Variants in CUX1 observed in about 807,000 individuals in gnomAD.
CUX1 encodes the protein cut like homeobox 1, also known as protein CASP.
A neutral mutation model predicts 158.8 loss-of-function variants in CUX1; 31 were observed. The ratio of observed to expected loss-of-function variants is 0.20; its 90% CI spans 0.15 to 0.26. The LOEUF is 0.26. CUX1 is among the 10% of genes least tolerant of loss of function. CUX1 has a pLI of 1.00. For missense variants in CUX1, 1,589 were observed against 2,014.6 expected (o/e 0.79, Z 4.04); for synonymous variants, 879 against 862.1 (o/e 1.02, Z -0.34).
intron 2 of CUX1, among the ~76,000 whole-genome samples, chr7:101,938,508 T>C (rs1807223646): frequency 6.6e-6 from 1 of 152,194 alleles, no homozygotes; most frequent in Non-Finnish European, 1.5e-5. Flanking sequence ...GGAAGAGATT[T>C]TTTTAAAAAG....
chr7:102,058,699 C>T (rs543202510), intron 3 of CUX1, among the ~76,000 whole-genome samples: 1 of 152,272 alleles, frequency 6.6e-6, no homozygotes, highest in Admixed American at 6.5e-5. Context: ...TATACATCTA[C>T]AATTTTTTTA....
intron 8 of CUX1, among the ~76,000 whole-genome samples, chr7:102,146,921 T>A (rs1246458143): frequency 6.6e-6 from 1 of 152,168 alleles, no homozygotes; most frequent in Non-Finnish European, 1.5e-5. Context: ...TAATCATTAC[T>A]TTTGTATCAT....
rs1554518485 is a variant in CUX1 at position 102,196,813 on chromosome 7, C to G, written c.1402C>G (p.Pro468Ala). The change falls in exon 15 of 24, where the codon CCC (proline) becomes GCC (alanine). Residue 468 changes from proline to alanine, a missense_variant. By Grantham distance (27) the Pro-to-Ala change is conservative (BLOSUM62 -1). Coordinates refer to ENST00000292535, the MANE Select transcript of CUX1 (RefSeq NM_181552.4). ...QDFFSSSLAS[P>A]SLPLASTGKF... ...CTTTTTCAGCTCATCCCTGGCAAGC[C>G]CCAGCCTACCCCTGGCTTCTACAGG... is the stretch of plus-strand genomic sequence containing the variant. 6.2e-7 allele frequency: 1 copy of G among 1,614,190 alleles called. No individual in the cohort carries two copies. The highest frequency in any genetic ancestry group is 2.2e-5 in the East Asian group (1 of 44,882).
intron 3 of CUX1, among the ~76,000 whole-genome samples, chr7:102,032,295 A>G (rs534608856): frequency 1.1e-4 from 16 of 152,104 alleles, no homozygotes; most frequent in Non-Finnish European, 2.2e-4. Flanking sequence ...TAAAAAGGTG[A>G]TCATGTGTGG....
Position 102,251,288 on chromosome 7 carries a change from C to T in CUX1, c.*2246C>T. The stretch of plus-strand genomic sequence containing the variant: ...TTATAATTTTAAAGGTATGCTCTGG[C>T]TGTTCCACCTCCGTGTGCTTGTTAA... On this transcript the variant is annotated 3_prime_UTR_variant, in exon 24 of 24. Transcript: ENST00000292535. The T allele has an allele frequency of 2.0e-6, 2 of 985,010 alleles. No individual in the cohort carries two copies. Among genetic ancestry groups the T allele is most frequent in the Non-Finnish European group, 2.4e-6 (2 of 829,816 alleles). 61.0% of individuals were successfully genotyped at this position (985,010 alleles called of 1,614,324 possible).
In CUX1 at chr7:101,882,959, G is replaced by A. The variant is rs185683980; in HGVS notation, c.31-33156G>A. Among the ~76,000 whole-genome samples the A allele has an allele frequency of 5.6e-3, 855 of 152,246 alleles. 8 individuals carry two copies. The highest frequency in any genetic ancestry group is 0.02 in the African/African-American group (815 of 41,552). ...GCCTCTAAGGCCCTGCTGGTTCTGC[G>A]TGTTCCAGAGAGCTGCACCTCTGGG... is the stretch of plus-strand genomic sequence containing the variant. On this transcript the variant is annotated intron_variant, in intron 1 of 23. Coordinates refer to ENST00000292535, the MANE Select transcript of CUX1 (RefSeq NM_181552.4).
intron 2 of CUX1, among the ~76,000 whole-genome samples, chr7:102,000,037 C>T (rs4397322): frequency 0.041 from 6,180 of 152,098 alleles, 439 homozygotes; most frequent in African/African-American, 0.14. Context: ...GCCAACATGG[C>T]GAAACCCCGT....
chr7:101,989,472 GC>G (rs1471661181), intron 2 of CUX1, among the ~76,000 whole-genome samples: 2 of 152,204 alleles, frequency 1.3e-5, no homozygotes, highest in African/African-American at 4.8e-5. Flanking sequence ...AAGTCTGTAA[GC>G]CCCCATGGAA....
chr7:102,229,744 A>C (rs1246177456), intron 21 of CUX1, among the ~76,000 whole-genome samples: 1 of 151,212 alleles, frequency 6.6e-6, no homozygotes, highest in South Asian at 2.1e-4. Context: ...CAGCCTCCCA[A>C]GTAGCTGGGA....
intron 4 of CUX1, among the ~76,000 whole-genome samples, chr7:102,079,267 G>A (rs978008448): frequency 1.3e-5 from 2 of 152,004 alleles, no homozygotes; most frequent in South Asian, 2.1e-4. Context: ...GTGAAACCCC[G>A]TCTCTACTAA....
At chr7:102,030,691 G>GGTTTTTTTTTTTTTTTT (rs537970250) in intron 3 of CUX1, among the ~76,000 whole-genome samples, 1 of 119,386 alleles carries the variant, frequency 8.4e-6, no homozygotes, top group African/African-American at 3.1e-5. Flanking sequence ...TTTAAAAAGT[G>GGTTTTTTTTTTTTTTTT]TTTTTTTTTT....
intron 1 of CUX1, among the ~76,000 whole-genome samples, chr7:101,907,115 T>C (rs992848829): frequency 2.0e-5 from 3 of 152,310 alleles, no homozygotes; most frequent in Admixed American, 6.5e-5. Flanking sequence ...TTGGGAAATA[T>C]GAGGTTAGAC....
upstream of CUX1, chr7:101,816,099 G>T: frequency 7.4e-7 from 1 of 1,360,322 alleles, no homozygotes. Flanking sequence ...TGCAGGTCAG[G>T]CTCCTCCGCG....
intron 2 of CUX1, among the ~76,000 whole-genome samples, chr7:102,000,050 C>G (rs1816491071): frequency 6.6e-6 from 1 of 152,138 alleles, no homozygotes; most frequent in Non-Finnish European, 1.5e-5. Flanking sequence ...AACCCCGTCT[C>G]TATAAAAGTA....
chr7:102,102,410 C>T (rs548853873), intron 5 of CUX1, among the ~76,000 whole-genome samples: 2 of 109,128 alleles, frequency 1.8e-5, no homozygotes, highest in African/African-American at 7.7e-5. Flanking sequence ...GGCCACTGAG[C>T]GAGACTCCGC....
intron 1 of CUX1, among the ~76,000 whole-genome samples, chr7:101,821,813 G>C (rs563967554): frequency 2.1e-4 from 26 of 124,330 alleles, no homozygotes; most frequent in African/African-American, 8.0e-4. Context: ...TAGCTGGGAC[G>C]ATAGGCGCCC....
intron 1 of CUX1, among the ~76,000 whole-genome samples, chr7:101,820,440 T>G (rs1792336220): frequency 6.6e-6 from 1 of 152,228 alleles, no homozygotes; most frequent in Non-Finnish European, 1.5e-5. Context: ...GTAACACAAA[T>G]GGTATGTAAA....
intron 1 of CUX1, among the ~76,000 whole-genome samples, chr7:101,841,095 G>A (rs867538374): frequency 3.3e-5 from 5 of 151,880 alleles, no homozygotes; most frequent in South Asian, 4.2e-4. Flanking sequence ...GGGTTTCACC[G>A]TGTTAGGCAG....
chr7:102,157,711 C>T (rs564996880), intron 8 of CUX1, among the ~76,000 whole-genome samples: 223 of 152,118 alleles, frequency 1.5e-3, no homozygotes, highest in Non-Finnish European at 1.9e-3. Context: ...ACCCAGGAGG[C>T]GGAGGTTGCA....
Sources: allele counts gnomAD v4.1 joint callset (sites outside exome capture counted in the v4.1 genomes callset), GRCh38; gene constraint gnomAD v4.1.1; transcripts MANE v1.5; gene names NCBI Gene and HGNC (gene_info 2026-07-23, HGNC 2026-07-21).